MCM9: variants seen among roughly 807,000 people sequenced by gnomAD.
MCM9 encodes the protein DNA helicase MCM9.
Under a neutral mutation model 72.8 loss-of-function variants are expected in MCM9, and 55 were observed. The observed-to-expected ratio is 0.76, with a 90% CI of 0.61 to 0.95. MCM9 has a LOEUF of 0.95. Ranked by LOEUF, MCM9 falls within the 40% of genes least tolerant of loss-of-function variation. The probability of loss-of-function intolerance (pLI) is 0.00; values close to 1 mark genes in which losing one functional copy is unlikely to be tolerated. For synonymous variants in MCM9, 480 were observed against 503.4 expected, an observed-to-expected ratio of 0.95 and a Z score of 0.62; for missense variants, 1,279 against 1,377.0, an observed-to-expected ratio of 0.93 and a Z score of 1.13.
chr6:118,831,004 T>C (rs896858367), intron 9 of MCM9, among the ~76,000 whole-genome samples: 5 of 152,202 alleles, frequency 3.3e-5, no homozygotes, highest in African/African-American at 1.2e-4. Flanking sequence ...GGGATATAAT[T>C]GGAGAGTTTT....
rs768251829 is a variant in MCM9, at chr6:118,931,600, C to A, written c.124G>T (p.Val42Phe). 5 of 1,614,130 alleles carry A rather than the reference C, an allele frequency of 3.1e-6. No homozygotes were observed. The highest frequency in any genetic ancestry group is 4.2e-6 in the Non-Finnish European group (5 of 1,180,012). Reference sequence around the variant, plus strand: ...GTCTCAAACAGAGTCATGGCATTAACCACAACTGGGTAATGAGCATCTTCA... The same window carrying A: ...GTCTCAAACAGAGTCATGGCATTAAACACAACTGGGTAATGAGCATCTTCA... ...RDEDAHYPVV[V>F]NAMTLFETNM... Residue 42 changes from valine to phenylalanine, a missense_variant, in exon 3 of 14, where the codon GTT (valine) becomes TTT (phenylalanine). Physicochemically the swap from Val to Phe is conservative, Grantham distance 50. Coordinates refer to ENST00000619706, the MANE Select transcript of MCM9 (RefSeq NM_017696.3).
At chr6:118,846,150 A>G (rs1189378677) in intron 9 of MCM9, among the ~76,000 whole-genome samples, 1 of 151,886 alleles carries the variant, frequency 6.6e-6, no homozygotes, top group African/African-American at 2.4e-5. Flanking sequence ...CTAGGTTCCC[A>G]TATGATAATG....
chr6:118,904,314 T>G (rs1352259427), intron 8 of MCM9, among the ~76,000 whole-genome samples: 1 of 152,230 alleles, frequency 6.6e-6, no homozygotes, highest in Non-Finnish European at 1.5e-5. Flanking sequence ...ATTTTATGCC[T>G]TTTTGTATCA....
At chr6:118,830,951 T>C (rs1774504513) in intron 9 of MCM9, among the ~76,000 whole-genome samples, 2 of 152,166 alleles carry the variant, frequency 1.3e-5, no homozygotes, top group African/African-American at 4.8e-5. Flanking sequence ...AGCATTAGTA[T>C]CAGCAGGGAG....
chr6:118,913,376 T>A lies in MCM9; in HGVS notation c.949A>T (p.Met317Leu). 6.2e-7 allele frequency: 1 copy of A among 1,614,088 alleles called. No individual in the cohort carries two copies. The change falls in exon 7 of 14, where the codon ATG becomes TTG. Residue 317 changes from methionine (M) to leucine (L), a missense_variant. Physicochemically the swap from Met to Leu is conservative, Grantham distance 15 (BLOSUM62 2). Transcript: ENST00000619706. ...LASLCPQVFG[M>L]YLVKLAVAMV... ...GCCACAGCAAGCTTTACTAGATACATTCCAAACACTTGAGGGCACAAGCTA... is the reference window on the plus strand; with the variant it reads ...GCCACAGCAAGCTTTACTAGATACAATCCAAACACTTGAGGGCACAAGCTA...
At position 118,931,688 on chromosome 6, in the gene MCM9, C is replaced by T. The variant is rs1281836885; in HGVS notation, c.36G>A (p.Val12=). The stretch of plus-strand genomic sequence containing the variant: ...GGTATTCCGAAACATATGACTCAAA[C>T]ACTTGACCAACCAGTGTAACTTGAT... ...NSDQVTLVGQ[V]FESYVSEYHK... is the part of the protein sequence containing the mutation. Residue 12 remains valine (V), a synonymous_variant, in exon 3 of 14, where the codon GTG becomes GTA. Coordinates refer to ENST00000619706, the MANE Select transcript of MCM9 (RefSeq NM_017696.3). 1.4e-5 allele frequency: 22 copies of T among 1,613,614 alleles called. No individual in the cohort carries two copies. The highest frequency in any genetic ancestry group is 1.8e-5 in the Non-Finnish European group (21 of 1,179,896).
chr6:118,888,484 TCAAAA>T (rs2114435676), intron 8 of MCM9, among the ~76,000 whole-genome samples: 1 of 151,452 alleles, frequency 6.6e-6, no homozygotes, highest in South Asian at 2.1e-4. Context: ...GAGACTCGTC[TCAAAA>T]CAAACAGACA....
chr6:118,870,917 A>G (rs1413249115), intron 8 of MCM9, among the ~76,000 whole-genome samples: 5 of 152,106 alleles, frequency 3.3e-5, no homozygotes, highest in Non-Finnish European at 7.4e-5. Context: ...AATTATTGAA[A>G]ATCTGCATGG....
In MCM9 at chr6:118,913,968, G is replaced by A. The variant is rs139502018; in HGVS notation, c.905-548C>T. Among the ~76,000 whole-genome samples the A allele has an allele frequency of 1.8e-3, 279 of 152,238 alleles. 1 individual carries two copies. Among genetic ancestry groups the A allele is most frequent in the Non-Finnish European group, 3.2e-3 (215 of 68,002 alleles). ...ACTCCACTGCCTAAATAAAAGGAAG[G>A]TATTCAATCTCAGAAATAATGAGTC... On this transcript the variant is annotated intron_variant, in intron 6 of 13. Coordinates refer to ENST00000619706, the MANE Select transcript of MCM9 (RefSeq NM_017696.3).
In MCM9 at chr6:118,934,922, G is replaced by C. The variant is rs1454397833; in HGVS notation, c.-181C>G. 2 of 152,238 alleles carry C rather than the reference G, an allele frequency of 1.3e-5. No individual in the cohort carries two copies. Among genetic ancestry groups the C allele is most frequent in the Non-Finnish European group, 2.9e-5 (2 of 68,054 alleles). The allele number at this position is 152,238 out of a possible 1,614,324, so 9.4% of individuals were successfully genotyped here. A position where few individuals can be genotyped will look rare whatever the true frequency, so the allele number is the denominator to read the frequency against. On this transcript the variant is annotated 5_prime_UTR_variant, in exon 1 of 14. Transcript: ENST00000619706. ...TGTCAGAAGTCGCCGGGAACGCGTT[G>C]CTCCCGAGGCCGAAGGGCCCAGAGA... is the stretch of plus-strand genomic sequence containing the variant.
chr6:118,831,945 A>G (rs1191620016), intron 9 of MCM9, among the ~76,000 whole-genome samples: 1 of 152,234 alleles, frequency 6.6e-6, no homozygotes, highest in Non-Finnish European at 1.5e-5. Flanking sequence ...CCCCAAGGTT[A>G]CACTGAGAGG....
intron 13 of MCM9, among the ~76,000 whole-genome samples, chr6:118,823,154 T>A (rs1037276506): frequency 6.6e-6 from 1 of 151,896 alleles, no homozygotes; most frequent in Non-Finnish European, 1.5e-5. Context: ...CACTGGGGTA[T>A]GAAAAAAAAC....
chr6:118,914,877 T>C, intron 6 of MCM9, among the ~76,000 whole-genome samples: 1 of 152,220 alleles, frequency 6.6e-6, no homozygotes, highest in African/African-American at 2.4e-5. Flanking sequence ...ACCAACTGTC[T>C]GACCTTAGGC....
intron 8 of MCM9, among the ~76,000 whole-genome samples, chr6:118,874,310 C>T (rs1196992565): frequency 1.3e-5 from 2 of 151,990 alleles, no homozygotes; most frequent in African/African-American, 2.4e-5. Context: ...GATAAAACGG[C>T]CTAACAAAGA....
At chr6:118,929,653 TTAA>T (rs932121319) in intron 3 of MCM9, among the ~76,000 whole-genome samples, 3 of 152,170 alleles carry the variant, frequency 2.0e-5, no homozygotes, top group Non-Finnish European at 1.5e-5. Flanking sequence ...AAAGTCCCCC[TTAA>T]TAATCCTTTT....
chr6:118,894,461 T>G (rs1198744737), intron 8 of MCM9: 1 of 1,537,134 alleles, frequency 6.5e-7, no homozygotes, highest in South Asian at 1.2e-5. Flanking sequence ...ATAACCCTTC[T>G]CCTTTCTACA....
At chr6:118,840,719 A>G (rs1775299155) in intron 9 of MCM9, among the ~76,000 whole-genome samples, 1 of 148,624 alleles carries the variant, frequency 6.7e-6, no homozygotes, top group Admixed American at 6.9e-5. Context: ...TGCTAGGTAC[A>G]TATATTCTCT....
intron 5 of MCM9, chr6:118,919,685 A>G (rs1161887519): frequency 2.0e-5 from 3 of 152,238 alleles, no homozygotes; most frequent in Non-Finnish European, 4.4e-5. Context: ...GTATTTTTCA[A>G]AACTAATGTT....
intron 8 of MCM9, among the ~76,000 whole-genome samples, chr6:118,872,229 G>T (rs993583305): frequency 1.3e-5 from 2 of 151,794 alleles, no homozygotes; most frequent in African/African-American, 2.4e-5. Flanking sequence ...TGAGGCAGGA[G>T]AATGGAGTGA....
Sources: allele counts gnomAD v4.1 joint callset (sites outside exome capture counted in the v4.1 genomes callset), GRCh38; gene constraint gnomAD v4.1.1; transcripts MANE v1.5; gene names NCBI Gene and HGNC (gene_info 2026-07-23, HGNC 2026-07-21).